TCERG1L: variants seen among roughly 807,000 people sequenced by gnomAD.
TCERG1L encodes transcription elongation regulator 1 like.
A neutral mutation model predicts 56.3 loss-of-function variants in TCERG1L; 37 were observed. The ratio of observed to expected loss-of-function variants is 0.66; its 90% CI spans 0.51 to 0.87. The LOEUF is 0.87. Among genes scored for constraint, TCERG1L ranks in the 40% least tolerant of loss-of-function variants. TCERG1L has a pLI of 0.00. For missense variants in TCERG1L, 799 were observed against 774.2 expected, an observed-to-expected ratio of 1.03 and a Z score of -0.38; for synonymous variants, 324 against 326.3, an observed-to-expected ratio of 0.99 and a Z score of 0.08.
In TCERG1L at chr10:131,116,800, CCT is replaced by C. The variant is rs1564794867; in HGVS notation, c.1392_1393del (p.Val466IlefsTer16). On this transcript the variant is annotated frameshift_variant and splice_region_variant, in exon 9 of 12. Coordinates refer to ENST00000368642, the MANE Select transcript of TCERG1L (RefSeq NM_174937.4). LOFTEE classifies it high-confidence loss of function. Reference sequence around the variant, plus strand: ...AGCCCCTCAGCCGCTGTGCCTTACCCCTCTCTCCAGCAGCATGTCTCGGAAGT... The same window carrying C: ...AGCCCCTCAGCCGCTGTGCCTTACCCCTCTCCAGCAGCATGTCTCGGAAGT... 6.4e-7 allele frequency: 1 copy of C among 1,559,968 alleles called. No individual in the cohort carries two copies. Among genetic ancestry groups the C allele is most frequent in the Non-Finnish European group, 8.7e-7 (1 of 1,153,376 alleles).
At chr10:131,137,146 C>CAACA (rs111834053) in intron 7 of TCERG1L, among the ~76,000 whole-genome samples, 49,096 of 151,014 alleles carry the variant, frequency 0.33, 8,303 homozygotes, top group East Asian at 0.47. Flanking sequence ...TCTCAAAAAA[C>CAACA]AACAAACAAA....
intron 3 of TCERG1L, among the ~76,000 whole-genome samples, chr10:131,293,065 G>A (rs1463526250): frequency 6.6e-6 from 1 of 152,054 alleles, no homozygotes; most frequent in African/African-American, 2.4e-5. Context: ...TGGCCAGGCT[G>A]GTCTCAAACT....
chr10:131,275,387 C>T (rs79095415), intron 3 of TCERG1L, among the ~76,000 whole-genome samples: 2,547 of 152,302 alleles, frequency 0.017, 31 homozygotes, highest in Non-Finnish European at 0.026. Flanking sequence ...TCACTAAGAA[C>T]GGAGAAAATT....
intron 4 of TCERG1L, among the ~76,000 whole-genome samples, chr10:131,213,840 C>T (rs1208808918): frequency 6.6e-6 from 1 of 152,156 alleles, no homozygotes; most frequent in East Asian, 1.9e-4. Flanking sequence ...TGGGAGAACA[C>T]GGGAATAAAA....
At chr10:131,116,692 T>C (rs1448763559) in intron 9 of TCERG1L, 107 bp downstream of exon 9, 1 of 1,429,498 alleles carries the variant, frequency 7.0e-7, no homozygotes, top group Non-Finnish European at 9.5e-7. Context: ...TCACTCAGCC[T>C]GATCATGAAC....
Position 131,273,929 on chromosome 10 carries a change from G to C in TCERG1L, c.671-13485C>G, listed in dbSNP as rs1846366977. On this transcript the variant is annotated intron_variant, in intron 3 of 11. Transcript: ENST00000368642. The stretch of plus-strand genomic sequence containing the variant: ...GAGAGAAACTATTCCCCCGTGAAAA[G>C]CTTCCCAAATTGAAAGAAAATAATT... Among the ~76,000 whole-genome samples, 3 of 152,228 alleles carry C rather than the reference G, an allele frequency of 2.0e-5. No individual in the cohort carries two copies. In the South Asian group the frequency reaches 6.2e-4, roughly 32 times the overall value.
chr10:131,194,234 G>A (rs186774049), intron 4 of TCERG1L, among the ~76,000 whole-genome samples: 3 of 152,360 alleles, frequency 2.0e-5, no homozygotes, highest in Admixed American at 6.5e-5. Flanking sequence ...TGTTCTTGGC[G>A]GTGCAGAGTG....
intron 3 of TCERG1L, among the ~76,000 whole-genome samples, chr10:131,288,784 A>G (rs2918119): frequency 0.76 from 114,977 of 151,606 alleles, 44,216 homozygotes; most frequent in Non-Finnish European, 0.82. Context: ...GAGGTTGGAG[A>G]ATGCAGCTCC....
At chr10:131,280,955 T>G (rs2133562399) in intron 3 of TCERG1L, among the ~76,000 whole-genome samples, 1 of 152,264 alleles carries the variant, frequency 6.6e-6, no homozygotes, top group African/African-American at 2.4e-5. Flanking sequence ...TGGCCGCACC[T>G]TCCCCCTCTG....
At chr10:131,303,005 AT>A (rs1247951917) in intron 3 of TCERG1L, among the ~76,000 whole-genome samples, 1 of 151,732 alleles carries the variant, frequency 6.6e-6, no homozygotes, top group African/African-American at 2.4e-5. Flanking sequence ...TATGTGCCAC[AT>A]TTTCTTTATC....
At chr10:131,216,022 C>A (rs187095636) in intron 4 of TCERG1L, among the ~76,000 whole-genome samples, 2 of 152,248 alleles carry the variant, frequency 1.3e-5, no homozygotes, top group African/African-American at 4.8e-5. Flanking sequence ...ACCTGACCAG[C>A]CACAGGGAAG....
rs114762279 is a variant in TCERG1L at position 131,218,860 on chromosome 10, C to T, written c.856+41399G>A. Among the ~76,000 whole-genome samples, 347 of 152,236 alleles carry T rather than the reference C, an allele frequency of 2.3e-3. 1 individual carries two copies. Among genetic ancestry groups the T allele is most frequent in the African/African-American group, 8.0e-3 (333 of 41,536 alleles). Reference sequence around the variant, plus strand: ...TGGGGCCGTGGTCATGTGGCCTCTGCGGAGGCCAGCCGTGCCCTGCTGTGA... The same window carrying T: ...TGGGGCCGTGGTCATGTGGCCTCTGTGGAGGCCAGCCGTGCCCTGCTGTGA... On this transcript the variant is annotated intron_variant, in intron 4 of 11. Coordinates refer to ENST00000368642, the MANE Select transcript of TCERG1L (RefSeq NM_174937.4).
At chr10:131,203,753 G>C (rs2944481) in intron 4 of TCERG1L, among the ~76,000 whole-genome samples, 13,997 of 152,248 alleles carry the variant, frequency 0.092, 755 homozygotes, top group Non-Finnish European at 0.12. Context: ...ACATCCCGCC[G>C]GCGAGCGCTA....
At chr10:131,109,725 C>A (rs1845392046) in intron 9 of TCERG1L, among the ~76,000 whole-genome samples, 1 of 152,218 alleles carries the variant, frequency 6.6e-6, no homozygotes, top group Non-Finnish European at 1.5e-5. Context: ...CTTTCTTCCA[C>A]TCTCAGCCTC....
chr10:131,129,855 G>A (rs988221730), intron 8 of TCERG1L, among the ~76,000 whole-genome samples: 14 of 152,284 alleles, frequency 9.2e-5, no homozygotes, highest in South Asian at 6.2e-4. Flanking sequence ...CAATCTTGGC[G>A]GAAGTTGAAG....
chr10:131,269,182 A>ATTTATTTGTTTGTTTG (rs59572948), intron 3 of TCERG1L, among the ~76,000 whole-genome samples: 73 of 151,244 alleles, frequency 4.8e-4, no homozygotes, highest in South Asian at 3.3e-3. Context: ...TACAATTTCT[A>ATTTATTTGTTTGTTTG]TTTGTTTGTT....
At chr10:131,113,462 G>A (rs1845428794) in intron 9 of TCERG1L, among the ~76,000 whole-genome samples, 1 of 142,292 alleles carries the variant, frequency 7.0e-6, no homozygotes, top group Non-Finnish European at 1.6e-5. Flanking sequence ...GAGACGGACA[G>A]GGCAAGGCTG....
At chr10:131,205,496 T>C (rs1183715595) in intron 4 of TCERG1L, among the ~76,000 whole-genome samples, 1 of 152,210 alleles carries the variant, frequency 6.6e-6, no homozygotes, top group African/African-American at 2.4e-5. Context: ...CTCTGTGGAA[T>C]TGCCTCATTC....
chr10:131,232,284 C>A (rs1322314573), intron 4 of TCERG1L, among the ~76,000 whole-genome samples: 2 of 152,252 alleles, frequency 1.3e-5, no homozygotes, highest in Admixed American at 6.5e-5. Flanking sequence ...CCAGACCCCA[C>A]AACAGCCAGG....
Sources: allele counts gnomAD v4.1 joint callset (sites outside exome capture counted in the v4.1 genomes callset), GRCh38; gene constraint gnomAD v4.1.1; transcripts MANE v1.5; gene names NCBI Gene and HGNC (gene_info 2026-07-23, HGNC 2026-07-21).